MTHFD1L: variants seen among roughly 807,000 people sequenced by gnomAD.
MTHFD1L encodes methylenetetrahydrofolate dehydrogenase (NADP+ dependent) 1 like.
Under a neutral mutation model 119.5 loss-of-function variants are expected in MTHFD1L, and 81 were observed. That is an observed-to-expected ratio of 0.68 (90% CI 0.57 to 0.82). The LOEUF is 0.82. Among genes scored for constraint, MTHFD1L ranks in the 40% least tolerant of loss-of-function variants. MTHFD1L has a pLI of 0.00. For missense variants in MTHFD1L, 1,125 were observed against 1,253.4 expected, an observed-to-expected ratio of 0.90 and a Z score of 1.55; for synonymous variants, 430 against 475.2, an observed-to-expected ratio of 0.90 and a Z score of 1.24.
intron 11 of MTHFD1L, among the ~76,000 whole-genome samples, chr6:150,928,368 G>A (rs1335601489): frequency 6.7e-5 from 10 of 149,570 alleles, no homozygotes; most frequent in African/African-American, 1.2e-4. Flanking sequence ...CCTGGGAGGC[G>A]GAGCTTGCGG....
chr6:150,937,044 C>T, intron 12 of MTHFD1L, 104 bp downstream of exon 12: 1 of 1,394,322 alleles, frequency 7.2e-7, no homozygotes. Flanking sequence ...TTTCAGGGGA[C>T]TTGGTACATT....
chr6:151,054,574 A>T (rs1445367754), intron 26 of MTHFD1L, among the ~76,000 whole-genome samples: 2 of 152,164 alleles, frequency 1.3e-5, no homozygotes, highest in African/African-American at 4.8e-5. Flanking sequence ...CATTACTTTA[A>T]AAACAAAAAC....
chr6:150,870,969 T>C (rs1278122876), intron 1 of MTHFD1L, among the ~76,000 whole-genome samples: 1 of 145,510 alleles, frequency 6.9e-6, no homozygotes, highest in Non-Finnish European at 1.5e-5. Flanking sequence ...ATATTATATA[T>C]ATAAAATATA....
chr6:151,006,041 C>T (rs929714414), intron 20 of MTHFD1L, among the ~76,000 whole-genome samples: 8 of 152,066 alleles, frequency 5.3e-5, no homozygotes, highest in African/African-American at 1.9e-4. Flanking sequence ...TTTCATTGAC[C>T]TGCTTGTGCC....
intron 9 of MTHFD1L, among the ~76,000 whole-genome samples, 200 bp from the exon 10 acceptor site, chr6:150,922,004 TG>T (rs1789031685): frequency 6.6e-6 from 1 of 152,266 alleles, no homozygotes; most frequent in Non-Finnish European, 1.5e-5. Flanking sequence ...ATCTAACTAG[TG>T]GTTTTCACGT....
At chr6:150,875,963 G>A in intron 1 of MTHFD1L, 127 bp from the exon 2 acceptor site, 1 of 735,038 alleles carries the variant, frequency 1.4e-6, no homozygotes, top group South Asian at 1.6e-5. Context: ...GTGTACACTT[G>A]GAGTGCGTCC....
chr6:150,977,873 C>T (rs6913336), intron 20 of MTHFD1L, among the ~76,000 whole-genome samples: 19,277 of 150,390 alleles, frequency 0.13, 2,890 homozygotes, highest in African/African-American at 0.36. Flanking sequence ...AATATAGGTT[C>T]GTGCATATGG....
intron 26 of MTHFD1L, among the ~76,000 whole-genome samples, chr6:151,038,812 G>A (rs1305470750): frequency 6.6e-6 from 1 of 152,138 alleles, no homozygotes; most frequent in African/African-American, 2.4e-5. Context: ...GTGGGGGCCG[G>A]GGGAAGGGAC....
chr6:150,947,419 T>C (rs1450714887), intron 15 of MTHFD1L, among the ~76,000 whole-genome samples: 1 of 151,684 alleles, frequency 6.6e-6, no homozygotes, highest in Non-Finnish European at 1.5e-5. Context: ...TAAGATGTTT[T>C]ATTTACACAA....
At chr6:151,080,433 G>A (rs552418495) in intron 26 of MTHFD1L, among the ~76,000 whole-genome samples, 1 of 152,306 alleles carries the variant, frequency 6.6e-6, no homozygotes, top group African/African-American at 2.4e-5. Context: ...GGGCAGAGGA[G>A]GAGGGACAGC....
chr6:151,013,415 T>C (rs975991083), intron 21 of MTHFD1L, among the ~76,000 whole-genome samples: 1 of 152,216 alleles, frequency 6.6e-6, no homozygotes, highest in African/African-American at 2.4e-5. Context: ...GTACTCTGTA[T>C]AAATCAAGTA....
At position 151,065,043 on chromosome 6, in the gene MTHFD1L, A is replaced by T. The variant is rs1184196458; in HGVS notation, c.2848-27424A>T. Reference sequence around the variant, plus strand: ...GGTCTCGAACCCTTGACCTCAGGTGATCCACCCGCCTTGGACTCCCAAAGT... The same window carrying T: ...GGTCTCGAACCCTTGACCTCAGGTGTTCCACCCGCCTTGGACTCCCAAAGT... On this transcript the variant is annotated intron_variant, in intron 26 of 27. Coordinates refer to ENST00000367321, the MANE Select transcript of MTHFD1L (RefSeq NM_015440.5). Among the ~76,000 whole-genome samples, 10 of 152,272 alleles carry T rather than the reference A, an allele frequency of 6.6e-5. No homozygotes were observed. The South Asian group carries it at 1.9e-3, about 28-fold the overall frequency.
At chr6:151,098,282 T>G (rs1795057413) in intron 27 of MTHFD1L, among the ~76,000 whole-genome samples, 1 of 152,210 alleles carries the variant, frequency 6.6e-6, no homozygotes. Flanking sequence ...CCAGCCCTTC[T>G]GTGAACATGA....
intron 1 of MTHFD1L, chr6:150,866,482 G>A (rs1778344915): frequency 1.5e-6 from 2 of 1,317,772 alleles, no homozygotes; most frequent in South Asian, 2.0e-5. Flanking sequence ...CTGGCCCGGG[G>A]TTCGGGAAGG....
chr6:150,977,723 T>C (rs1281489618), intron 20 of MTHFD1L, among the ~76,000 whole-genome samples: 3 of 152,142 alleles, frequency 2.0e-5, no homozygotes, highest in Non-Finnish European at 4.4e-5. Context: ...TGATTCCAGT[T>C]TTCAGATAAA....
intron 18 of MTHFD1L, among the ~76,000 whole-genome samples, chr6:150,963,185 G>A (rs946827503): frequency 1.8e-4 from 27 of 152,126 alleles, no homozygotes; most frequent in African/African-American, 6.3e-4. Flanking sequence ...CAACGTGTTG[G>A]GATTACAGGT....
intron 26 of MTHFD1L, among the ~76,000 whole-genome samples, chr6:151,079,609 C>T (rs1036942448): frequency 6.6e-6 from 1 of 151,852 alleles, no homozygotes; most frequent in Non-Finnish European, 1.5e-5. Context: ...CCTGCTTCAG[C>T]CTCTCAAGTA....
chr6:150,874,656 C>T (rs944862049), intron 1 of MTHFD1L, among the ~76,000 whole-genome samples: 1 of 152,232 alleles, frequency 6.6e-6, no homozygotes, highest in African/African-American at 2.4e-5. Flanking sequence ...GGGGGAAAAG[C>T]CAGCTCCCAG....
chr6:151,014,434 A>T (rs1040318373), intron 22 of MTHFD1L, among the ~76,000 whole-genome samples: 2 of 152,230 alleles, frequency 1.3e-5, no homozygotes, highest in Admixed American at 6.5e-5. Context: ...GAAGGTCTAT[A>T]TACAGTTGGC....
Sources: allele counts gnomAD v4.1 joint callset (sites outside exome capture counted in the v4.1 genomes callset), GRCh38; gene constraint gnomAD v4.1.1; transcripts MANE v1.5; gene names NCBI Gene and HGNC (gene_info 2026-07-23, HGNC 2026-07-21).